The following CAMTA1 variants were observed in gnomAD, a reference collection of about 807,000 sequenced individuals.
The protein encoded by CAMTA1 is calmodulin binding transcription activator 1, also known as calmodulin-binding transcription activator 1.
In CAMTA1, 27 loss-of-function variants were observed where a neutral mutation model predicts 170.9. The observed-to-expected ratio is 0.16, with a 90% CI of 0.12 to 0.22. The LOEUF is 0.22. CAMTA1 is among the 10% of genes least tolerant of loss of function. CAMTA1 has a pLI of 1.00. For missense variants in CAMTA1, 1,619 were observed against 2,217.2 expected (o/e 0.73, Z 5.42); for synonymous variants, 833 against 891.5 (o/e 0.93, Z 1.17).
chr1:7,216,529 T>C lies in CAMTA1; in HGVS notation c.303-32962T>C, dbSNP rs1047247012. 3.9e-5 allele frequency among the ~76,000 whole-genome samples: 6 copies of C among 152,150 alleles called. No homozygotes were observed. The highest frequency in any genetic ancestry group is 1.4e-4 in the African/African-American group (6 of 41,430). On this transcript the variant is annotated intron_variant, in intron 4 of 22. Transcript: ENST00000303635. This position sits in a 1 kb window ranked among gnomAD's most constrained non-coding sequence, Gnocchi z 4.0. ...TCCTTCCTTCCTTCCTTTCTTTCTT[T>C]CGTTCTTTCACAGAACTGTCGCCCA... is the stretch of plus-strand genomic sequence containing the variant.
intron 6 of CAMTA1, among the ~76,000 whole-genome samples, chr1:7,577,238 CCTCCCTATGTGCTCCAGAAA>C (rs1216365321): frequency 2.0e-5 from 3 of 152,184 alleles, no homozygotes; most frequent in Non-Finnish European, 4.4e-5. Context: ...AGGACTGTGG[CCTCCCTATGTGCTCCAGAAA>C]CTCATCTGGT....
In CAMTA1 at chr1:7,044,114, TTC is replaced by T. The variant is rs1447007117; in HGVS notation, c.235-47187_235-47186del. On this transcript the variant is annotated intron_variant, in intron 3 of 22. Coordinates refer to ENST00000303635, the MANE Select transcript of CAMTA1 (RefSeq NM_015215.4). This position sits in a 1 kb window ranked among gnomAD's most constrained non-coding sequence, Gnocchi z 5.0. Reference sequence around the variant, plus strand: ...TGCCGCCATCCCCTTCAGTGGGAATTTCTCCTGGATGTCTCTGCAGAAGGCAC... The same window carrying T: ...TGCCGCCATCCCCTTCAGTGGGAATTTCCTGGATGTCTCTGCAGAAGGCAC... Among the ~76,000 whole-genome samples the T allele has an allele frequency of 6.6e-6, 1 of 152,218 alleles. No homozygotes were observed. The highest frequency in any genetic ancestry group is 1.9e-4 in the East Asian group (1 of 5,194).
chr1:7,090,072 G>C (rs1641278347), intron 3 of CAMTA1, among the ~76,000 whole-genome samples: 1 of 152,206 alleles, frequency 6.6e-6, no homozygotes, highest in Non-Finnish European at 1.5e-5. Context: ...TCCGGACAGA[G>C]GTGGCTTGGG....
chr1:7,662,342 G>C (rs1012274079), intron 8 of CAMTA1, among the ~76,000 whole-genome samples: 2 of 152,180 alleles, frequency 1.3e-5, no homozygotes, highest in East Asian at 3.9e-4. Context: ...TAATGTGTCT[G>C]TTTTTCTGAT....
rs1213745933 is a variant in CAMTA1, at chr1:7,093,346, G to A, written c.302+1975G>A. Among the ~76,000 whole-genome samples the A allele has an allele frequency of 1.2e-4, 18 of 152,140 alleles. No homozygotes were observed. The highest frequency in any genetic ancestry group is 1.5e-5 in the Non-Finnish European group (1 of 68,030). The stretch of plus-strand genomic sequence containing the variant: ...CTGGCCTAGTTTTCTGGGGGAGAAG[G>A]AGGCTTATCTGATTTCTGCCTCTGG... On this transcript the variant is annotated intron_variant, in intron 4 of 22. Coordinates refer to ENST00000303635, the MANE Select transcript of CAMTA1 (RefSeq NM_015215.4). This position sits in a 1 kb window ranked among gnomAD's most constrained non-coding sequence, Gnocchi z 4.6.
intron 5 of CAMTA1, among the ~76,000 whole-genome samples, chr1:7,370,914 C>CTTTTCT (rs1553149257): frequency 2.7e-5 from 3 of 109,984 alleles, no homozygotes; most frequent in South Asian, 3.1e-4. Context: ...TTCTTTCTTT[C>CTTTTCT]TTTTTTTTTT....
intron 4 of CAMTA1, among the ~76,000 whole-genome samples, chr1:7,210,002 G>A (rs747068338): frequency 6.6e-5 from 10 of 152,124 alleles, no homozygotes; most frequent in Admixed American, 2.6e-4. Flanking sequence ...ATGATGCCCC[G>A]TTAACCCTAA....
Position 7,173,388 on chromosome 1 carries a change from G to A in CAMTA1, c.303-76103G>A, listed in dbSNP as rs565796549. ...TTTTGTGGAACTGTGGGAACACACA[G>A]TTTAATTTTTTTTTTTAAGACTGAT... is the stretch of plus-strand genomic sequence containing the variant. On this transcript the variant is annotated intron_variant, in intron 4 of 22. Transcript: ENST00000303635. This position sits in a 1 kb window ranked among gnomAD's most constrained non-coding sequence, Gnocchi z 5.4. Among the ~76,000 whole-genome samples the A allele has an allele frequency of 2.6e-5, 4 of 152,182 alleles. No homozygotes were observed. The highest frequency in any genetic ancestry group is 2.1e-4 in the South Asian group (1 of 4,818).
chr1:7,465,225 G>A (rs2093182806), intron 5 of CAMTA1, among the ~76,000 whole-genome samples: 1 of 152,144 alleles, frequency 6.6e-6, no homozygotes, highest in South Asian at 2.1e-4. Context: ...CTAAGGCCCT[G>A]TGCCCTCAGG....
chr1:6,913,400 C>G (rs543658512), intron 3 of CAMTA1, among the ~76,000 whole-genome samples: 1 of 152,180 alleles, frequency 6.6e-6, no homozygotes. Context: ...TTGGGGTTCC[C>G]TGGCCCTCCA....
intron 3 of CAMTA1, among the ~76,000 whole-genome samples, chr1:6,855,172 A>G (rs914276004): frequency 5.3e-5 from 8 of 152,176 alleles, no homozygotes; most frequent in African/African-American, 1.7e-4. Flanking sequence ...TCTGGACACA[A>G]TTGCAATTTT....
intron 10 of CAMTA1, among the ~76,000 whole-genome samples, chr1:7,676,399 G>A (rs554396901): frequency 6.6e-6 from 1 of 152,338 alleles, no homozygotes; most frequent in South Asian, 2.1e-4. Flanking sequence ...CTTCCCTGGG[G>A]ACAATGGCAA....
chr1:7,380,976 C>T (rs2087255598), intron 5 of CAMTA1, among the ~76,000 whole-genome samples: 1 of 152,002 alleles, frequency 6.6e-6, no homozygotes, highest in Non-Finnish European at 1.5e-5. Context: ...TATCATAATG[C>T]CCTAAGGTCA....
chr1:7,768,806 A>G lies in CAMTA1; in HGVS notation c.*2315A>G, dbSNP rs1286268599. On this transcript the variant is annotated 3_prime_UTR_variant, in exon 23 of 23. Coordinates refer to ENST00000303635, the MANE Select transcript of CAMTA1 (RefSeq NM_015215.4). ...CCCCAGATACCTATTATTTTACACA[A>G]TTTGACCTATAGGAGGACACTGAGT... The G allele has an allele frequency of 6.6e-6, 1 of 152,588 alleles. No homozygotes were observed. The allele number at this position is 152,588 out of a possible 1,614,324, so 9.5% of individuals were successfully genotyped here. A position where few individuals can be genotyped will look rare whatever the true frequency, so the allele number is the denominator to read the frequency against.
intron 5 of CAMTA1, among the ~76,000 whole-genome samples, chr1:7,266,152 A>G (rs574018570): frequency 1.2e-3 from 178 of 152,362 alleles, no homozygotes; most frequent in African/African-American, 4.2e-3. Flanking sequence ...GTAGATTGGC[A>G]AGAGAACAAG....
At chr1:6,959,608 G>C (rs963154592) in intron 3 of CAMTA1, among the ~76,000 whole-genome samples, 4 of 152,206 alleles carry the variant, frequency 2.6e-5, no homozygotes, top group Non-Finnish European at 5.9e-5. Context: ...TGCCAGGAAA[G>C]TATTTATTGT....
chr1:6,879,907 A>G lies in CAMTA1; in HGVS notation c.234+54697A>G, dbSNP rs1402032645. Among the ~76,000 whole-genome samples, 4 of 150,982 alleles carry G rather than the reference A, an allele frequency of 2.6e-5. No individual in the cohort carries two copies. The East Asian group carries it at 7.8e-4, about 30-fold the overall frequency. ...CTCCCAAAGTGATGGGATTACAGGT[A>G]TAAGCCACCATGCCTGGCCCTGTGG... On this transcript the variant is annotated intron_variant, in intron 3 of 22. Coordinates refer to ENST00000303635, the MANE Select transcript of CAMTA1 (RefSeq NM_015215.4).
At chr1:7,476,555 G>A (rs11807910) in intron 6 of CAMTA1, among the ~76,000 whole-genome samples, 2,445 of 152,264 alleles carry the variant, frequency 0.016, 71 homozygotes, top group African/African-American at 0.056. Flanking sequence ...CAGTTCCCAT[G>A]AGCCAGTTCC....
chr1:6,906,246 C>G (rs1485620639), intron 3 of CAMTA1, among the ~76,000 whole-genome samples: 2 of 152,122 alleles, frequency 1.3e-5, no homozygotes, highest in Non-Finnish European at 2.9e-5. Context: ...GGGGAGAAAC[C>G]CCCTGCCAAG....
Sources: gnomAD v4.1 joint callset for allele counts (sites outside exome capture counted in the v4.1 genomes callset) on GRCh38, gnomAD v4.1.1 for gene constraint, Gnocchi (gnomAD v3.1) non-coding constraint, MANE v1.5 for transcripts, NCBI Gene and HGNC (gene_info 2026-07-23, HGNC 2026-07-21) for gene names.